The following TENM2 variants were observed in gnomAD, a reference collection of about 807,000 sequenced individuals.
TENM2 encodes the protein teneurin-2.
TENM2 carries 52 observed loss-of-function variants against 245.2 expected under a neutral mutation model. The observed-to-expected ratio is 0.21, with a 90% CI of 0.17 to 0.27. TENM2 has a LOEUF of 0.27. TENM2 is among the 10% of genes least tolerant of loss of function. TENM2 has a pLI of 1.00. For missense variants in TENM2, 3,046 were observed against 3,666.8 expected (o/e 0.83, Z 4.37); for synonymous variants, 1,363 against 1,438.9 (o/e 0.95, Z 1.19).
At chr5:167,157,788 G>T in the TENM2 span, among the ~76,000 whole-genome samples, 1 of 152,124 alleles carries the variant, frequency 6.6e-6, no homozygotes, top group Non-Finnish European at 1.5e-5. Flanking sequence ...TTATCAATAG[G>T]AATACTTTTT....
At chr5:167,660,149 G>A (rs1376517887) in intron 2 of TENM2, 2 of 151,988 alleles carry the variant, frequency 1.3e-5, no homozygotes, top group Non-Finnish European at 2.9e-5. Flanking sequence ...CTTAAAGGGA[G>A]GGCTGTAGAA....
intron 6 of TENM2, among the ~76,000 whole-genome samples, chr5:168,048,296 C>T (rs1788786753): frequency 6.6e-6 from 1 of 152,154 alleles, no homozygotes. Flanking sequence ...CAGGCTGGCA[C>T]GCAGTGAGAT....
At chr5:167,954,663 G>A (rs1780403734) in intron 4 of TENM2, among the ~76,000 whole-genome samples, 1 of 152,046 alleles carries the variant, frequency 6.6e-6, no homozygotes, top group Admixed American at 6.6e-5. Flanking sequence ...TCCCCTCCCT[G>A]TGTCCATGTG....
At chr5:167,788,811 C>T (rs1252038595) in intron 2 of TENM2, among the ~76,000 whole-genome samples, 6 of 152,166 alleles carry the variant, frequency 3.9e-5, no homozygotes. Context: ...ATGGCAAAGT[C>T]ACCCTTGTTT....
chr5:167,515,663 A>ATGTATGTATATATATACACATATATACG lies in TENM2; in HGVS notation c.502+140191_502+140192insGTATGTATATATATACACATATATACGT, dbSNP rs1770311691. On this transcript the variant is annotated intron_variant, in intron 2 of 28. Coordinates refer to ENST00000518659, the Ensembl canonical transcript of TENM2. Reference sequence around the variant, plus strand: ...TGTATATATATACACATATATACGTATATATGTGTATATATATTTTGAGAG... The same window carrying ATGTATGTATATATATACACATATATACG: ...TGTATATATATACACATATATACGTATGTATGTATATATATACACATATATACGTATATGTGTATATATATTTTGAGAG... Among the ~76,000 whole-genome samples, 3 of 85,602 alleles carry ATGTATGTATATATATACACATATATACG rather than the reference A, an allele frequency of 3.5e-5. No homozygotes were observed. In the South Asian group the frequency reaches 1.6e-3, roughly 45 times the overall value. 56.2% of individuals were successfully genotyped at this position (85,602 alleles called of 152,430 possible).
intron 2 of TENM2, among the ~76,000 whole-genome samples, chr5:167,862,669 G>GT (rs749652755): frequency 3.0e-4 from 46 of 152,194 alleles, no homozygotes; most frequent in Non-Finnish European, 5.3e-4. Flanking sequence ...TCAGAGAAGA[G>GT]TACCTTGAAA....
the TENM2 span, among the ~76,000 whole-genome samples, chr5:167,058,483 G>A: frequency 2.6e-5 from 4 of 152,178 alleles, no homozygotes; most frequent in African/African-American, 9.7e-5. Flanking sequence ...TTTTGGCAAG[G>A]TATGATGGCT....
chr5:168,062,404 G>A, intron 7 of TENM2, 139 bp downstream of exon 9: 1 of 719,038 alleles, frequency 1.4e-6, no homozygotes, highest in Non-Finnish European at 2.2e-6. Flanking sequence ...AGAATTTGGA[G>A]AAATAAGAAC....
intron 13 of TENM2, among the ~76,000 whole-genome samples, chr5:168,189,563 A>G (rs1288601747): frequency 6.6e-6 from 1 of 152,160 alleles, no homozygotes; most frequent in Non-Finnish European, 1.5e-5. Flanking sequence ...AGAACCAGAA[A>G]CTACTGCGGA....
the TENM2 span, among the ~76,000 whole-genome samples, chr5:167,055,911 A>G: frequency 6.6e-6 from 1 of 151,558 alleles, no homozygotes; most frequent in Non-Finnish European, 1.5e-5. Flanking sequence ...TTCTTTTCTT[A>G]TTTTATTGCA....
At chr5:167,381,554 T>C (rs1461396918) in intron 2 of TENM2, among the ~76,000 whole-genome samples, 1 of 152,196 alleles carries the variant, frequency 6.6e-6, no homozygotes, top group African/African-American at 2.4e-5. Context: ...TTGGCCGTTC[T>C]CAAAACATAA....
chr5:168,118,494 C>A lies in TENM2; in HGVS notation c.2008+8C>A. The A allele has an allele frequency of 6.6e-7, 1 of 1,504,496 alleles. No individual in the cohort carries two copies. The highest frequency in any genetic ancestry group is 9.0e-7 in the Non-Finnish European group (1 of 1,111,326). The allele number at this position is 1,504,496 out of a possible 1,614,324, so 93.2% of individuals were successfully genotyped here. A position where few individuals can be genotyped will look rare whatever the true frequency, so the allele number is the denominator to read the frequency against. ...GCGAGCACTGTGAGGAAGGTAAGCC[C>A]GCCGGCCCCGGGGCTAGGCAGCAGT... On this transcript the variant is annotated splice_region_variant and intron_variant, in intron 10 of 28. Coordinates refer to ENST00000518659, the Ensembl canonical transcript of TENM2.
chr5:167,962,675 A>C (rs1471493247), intron 4 of TENM2, among the ~76,000 whole-genome samples: 1 of 152,178 alleles, frequency 6.6e-6, no homozygotes, highest in Non-Finnish European at 1.5e-5. Flanking sequence ...TAGAAAGGGA[A>C]GCAAACACAC....
chr5:167,101,937 TA>T, the TENM2 span, among the ~76,000 whole-genome samples: 17 of 123,958 alleles, frequency 1.4e-4, no homozygotes, highest in East Asian at 4.7e-4. Flanking sequence ...TATATATATA[TA>T]TTTTTTTTTT....
chr5:167,414,990 C>T (rs111703971), intron 2 of TENM2, among the ~76,000 whole-genome samples: 9 of 152,050 alleles, frequency 5.9e-5, no homozygotes, highest in East Asian at 1.9e-4. Flanking sequence ...TTCCATCAGG[C>T]GGGTGGTAGC....
chr5:167,136,591 A>C, the TENM2 span, among the ~76,000 whole-genome samples: 2 of 151,968 alleles, frequency 1.3e-5, no homozygotes, highest in Non-Finnish European at 2.9e-5. Context: ...ATTTTGATCC[A>C]CCCCTATTTC....
At chr5:167,894,984 AGGAAGGAG>A (rs1561906863) in intron 3 of TENM2, among the ~76,000 whole-genome samples, 20 of 95,696 alleles carry the variant, frequency 2.1e-4, no homozygotes, top group East Asian at 1.1e-3. Context: ...GAAGGAAGGA[AGGAAGGAG>A]GGAAGGAAGG....
At chr5:167,286,421 T>C (rs1053047289) in intron 1 of TENM2, among the ~76,000 whole-genome samples, 2 of 152,192 alleles carry the variant, frequency 1.3e-5, no homozygotes, top group African/African-American at 4.8e-5. Flanking sequence ...TTTTGCTTTG[T>C]TAAGTCCTCA....
chr5:167,852,905 C>T (rs954145549), intron 2 of TENM2, among the ~76,000 whole-genome samples: 1 of 152,036 alleles, frequency 6.6e-6, no homozygotes, highest in Non-Finnish European at 1.5e-5. Flanking sequence ...AGATGGAAAC[C>T]TCTGTTTATT....
Sources: gnomAD v4.1 joint callset for allele counts (sites outside exome capture counted in the v4.1 genomes callset) on GRCh38, gnomAD v4.1.1 for gene constraint, MANE v1.5 for transcripts, NCBI Gene and HGNC (gene_info 2026-07-23, HGNC 2026-07-21) for gene names.